PDHX: variants seen among roughly 807,000 people sequenced by gnomAD.
The protein encoded by PDHX is pyruvate dehydrogenase complex component X.
In PDHX, 33 loss-of-function variants were observed where a neutral mutation model predicts 55.3. The observed-to-expected ratio is 0.60, with a 90% CI of 0.45 to 0.80. PDHX has a LOEUF of 0.80. Among genes scored for constraint, PDHX ranks in the 30% least tolerant of loss-of-function variants. The pLI, the probability that PDHX is intolerant of heterozygous loss-of-function variation, is 0.00. For synonymous variants in PDHX, 226 were observed against 219.4 expected (o/e 1.03, Z -0.27); for missense variants, 622 against 619.9 (o/e 1.00, Z -0.04).
At chr11:34,956,339 GA>G (rs779262852) in intron 3 of PDHX, among the ~76,000 whole-genome samples, 2 of 152,124 alleles carry the variant, frequency 1.3e-5, no homozygotes, top group Non-Finnish European at 2.9e-5. Flanking sequence ...AGTAAGCATT[GA>G]AATTAGTGTT....
chr11:34,927,502 A>G (rs1009944346), intron 1 of PDHX, among the ~76,000 whole-genome samples: 2 of 152,082 alleles, frequency 1.3e-5, no homozygotes, highest in East Asian at 1.9e-4. Context: ...AGTCTACACT[A>G]TCTTAGTAGA....
intron 1 of PDHX, 129 bp from the exon 2 acceptor site, chr11:34,931,275 G>C: frequency 1.5e-6 from 1 of 672,146 alleles, no homozygotes; most frequent in Middle Eastern, 3.5e-4. Context: ...TTACCAGTTG[G>C]GAATCTTTTA....
At chr11:34,922,517 T>A (rs1853908555) in intron 1 of PDHX, among the ~76,000 whole-genome samples, 1 of 152,206 alleles carries the variant, frequency 6.6e-6, no homozygotes, top group African/African-American at 2.4e-5. Context: ...GATAGCTTGA[T>A]TATAGATTTC....
intron 7 of PDHX, among the ~76,000 whole-genome samples, chr11:34,973,112 A>G (rs948982741): frequency 6.6e-6 from 1 of 152,092 alleles, no homozygotes; most frequent in African/African-American, 2.4e-5. Flanking sequence ...TGTATCCTGA[A>G]GATCTATTAT....
chr11:34,954,967 G>C lies in PDHX; in HGVS notation c.343-2417G>C, dbSNP rs574839919. Among the ~76,000 whole-genome samples the C allele has an allele frequency of 1.1e-4, 16 of 152,256 alleles. No homozygotes were observed. In the South Asian group the frequency reaches 3.1e-3, roughly 30 times the overall value. On this transcript the variant is annotated intron_variant, in intron 3 of 10. Transcript: ENST00000227868. Reference sequence around the variant, plus strand: ...AGTCTGTACACAACTGGGAGGGAAGGCTAATATTTGAAATGATAGACTCAA... The same window carrying C: ...AGTCTGTACACAACTGGGAGGGAAGCCTAATATTTGAAATGATAGACTCAA...
chr11:34,937,585 G>C (rs1052382836), intron 2 of PDHX, among the ~76,000 whole-genome samples: 3 of 152,120 alleles, frequency 2.0e-5, no homozygotes, highest in African/African-American at 7.2e-5. Flanking sequence ...CTGATTATAG[G>C]AGTTGAAGTT....
At chr11:34,939,360 C>T (rs993043590) in intron 2 of PDHX, among the ~76,000 whole-genome samples, 2 of 152,122 alleles carry the variant, frequency 1.3e-5, no homozygotes, top group African/African-American at 4.8e-5. Context: ...TACTTCTAAG[C>T]GAAGACTAGA....
intron 2 of PDHX, among the ~76,000 whole-genome samples, chr11:34,944,860 C>T (rs1329024452): frequency 1.3e-5 from 2 of 152,084 alleles, no homozygotes; most frequent in South Asian, 2.1e-4. Context: ...ATAATCTCTA[C>T]TTTTAATGGG....
At position 34,916,742 on chromosome 11, in the gene PDHX, G is replaced by A; in HGVS notation, c.87G>A (p.Val29=). The A allele has an allele frequency of 6.2e-7, 1 of 1,613,292 alleles. No individual in the cohort carries two copies. Among genetic ancestry groups the A allele is most frequent in the Non-Finnish European group, 8.5e-7 (1 of 1,179,792 alleles). ...CCGGCCGCCGAAGCGTAGGGCTGGT[G>A]AAGGGGGCTCTTGGGTGGTCTGTAA... ...GFPGRRSVGL[V]KGALGWSVSR... is the part of the protein sequence containing the mutation. Residue 29 remains valine (V), a synonymous_variant, in exon 1 of 11, where the codon GTG becomes GTA. Transcript: ENST00000227868.
In PDHX at chr11:34,995,455, T is replaced by C. The variant is rs1045492323; in HGVS notation, c.*283T>C. 5.9e-5 allele frequency: 23 copies of C among 389,358 alleles called. No homozygotes were observed. The highest frequency in any genetic ancestry group is 1.2e-4 in the Admixed American group (3 of 25,558). 24.1% of individuals were successfully genotyped at this position (389,358 alleles called of 1,614,324 possible). On this transcript the variant is annotated 3_prime_UTR_variant, in exon 11 of 11. Coordinates refer to ENST00000227868, the MANE Select transcript of PDHX (RefSeq NM_003477.3). ...TGTATAAAGGGAATATTAAACTAGA[T>C]GTAAATCAAAGTATATGTTTGGCTC...
intron 7 of PDHX, among the ~76,000 whole-genome samples, chr11:34,972,394 G>T (rs905618900): frequency 4.9e-5 from 4 of 81,908 alleles, no homozygotes; most frequent in South Asian, 4.0e-4. Context: ...CACAAATGTT[G>T]ATTTTTTTTT....
At chr11:34,990,793 G>A (rs1855740016) in intron 9 of PDHX, among the ~76,000 whole-genome samples, 1 of 152,082 alleles carries the variant, frequency 6.6e-6, no homozygotes, top group African/African-American at 2.4e-5. Context: ...TTGGCAGTAC[G>A]TTACAGTAAT....
chr11:34,916,521 G>T (rs1477684263), upstream of PDHX: 1 of 1,451,394 alleles, frequency 6.9e-7, no homozygotes, highest in Non-Finnish European at 9.0e-7. Flanking sequence ...GGGCTGGGTT[G>T]GGGGGCGGGG....
chr11:34,965,390 A>T (rs1178337501), intron 5 of PDHX, among the ~76,000 whole-genome samples: 1 of 152,148 alleles, frequency 6.6e-6, no homozygotes, highest in Non-Finnish European at 1.5e-5. Context: ...CCGGGCCAGC[A>T]GTTTTATCTC....
chr11:34,970,131 T>C lies in PDHX; in HGVS notation c.817-8T>C. 1.9e-6 allele frequency: 3 copies of C among 1,613,348 alleles called. No individual in the cohort carries two copies. The highest frequency in any genetic ancestry group is 4.5e-5 in the East Asian group (2 of 44,852). On this transcript the variant is annotated splice_region_variant and splice_polypyrimidine_tract_variant and intron_variant, in intron 6 of 10. Transcript: ENST00000227868. ...TGGTTTAACGGACAGGTTGCTGTCTTTTTGCAGGGCACATTCACTGAAATC... is the reference window on the plus strand; with the variant it reads ...TGGTTTAACGGACAGGTTGCTGTCTCTTTGCAGGGCACATTCACTGAAATC...
chr11:34,955,352 A>G (rs1401158674), intron 3 of PDHX, among the ~76,000 whole-genome samples: 1 of 152,176 alleles, frequency 6.6e-6, no homozygotes, highest in Non-Finnish European at 1.5e-5. Context: ...TGCTTACAGG[A>G]AATTAGCACA....
At chr11:34,936,827 T>TCACCCAG (rs1316890513) in intron 2 of PDHX, among the ~76,000 whole-genome samples, 1 of 140,390 alleles carries the variant, frequency 7.1e-6, no homozygotes, top group African/African-American at 2.8e-5. Context: ...TCTCACTCTG[T>TCACCCAG]CACCCAGGCT....
At chr11:34,969,105 C>G (rs1383168776) in intron 6 of PDHX, among the ~76,000 whole-genome samples, 1 of 152,034 alleles carries the variant, frequency 6.6e-6, no homozygotes, top group Non-Finnish European at 1.5e-5. Flanking sequence ...TACTGTGTAG[C>G]CAGGTGATTT....
At chr11:34,968,889 T>A (rs1258702284) in intron 6 of PDHX, among the ~76,000 whole-genome samples, 2 of 152,246 alleles carry the variant, frequency 1.3e-5, no homozygotes, top group African/African-American at 4.8e-5. Context: ...TTTATATTTA[T>A]AACATGGCCT....
Sources: allele counts gnomAD v4.1 joint callset (sites outside exome capture counted in the v4.1 genomes callset), GRCh38; gene constraint gnomAD v4.1.1; transcripts MANE v1.5; gene names NCBI Gene and HGNC (gene_info 2026-07-23, HGNC 2026-07-21).